Variants in RCAN2 observed in about 807,000 individuals in gnomAD.
RCAN2 encodes regulator of calcineurin 2, also known as calcipressin-2.
Under a neutral mutation model 23.6 loss-of-function variants are expected in RCAN2, and 9 were observed. The ratio of observed to expected loss-of-function variants is 0.38; its 90% CI spans 0.23 to 0.67. The LOEUF is 0.67. Ranked by LOEUF, RCAN2 falls within the 30% of genes least tolerant of loss-of-function variation. RCAN2 has a pLI of 0.51. For synonymous variants in RCAN2, 109 were observed against 115.7 expected (o/e 0.94, Z 0.37); for missense variants, 273 against 302.3 (o/e 0.90, Z 0.72).
intron 1 of RCAN2, among the ~76,000 whole-genome samples, chr6:46,481,910 T>C (rs1261022626): frequency 3.9e-5 from 6 of 152,150 alleles, no homozygotes; most frequent in Non-Finnish European, 7.4e-5. Flanking sequence ...GAAAGAGGTA[T>C]AGGAATGGTG....
At chr6:46,292,060 C>T (rs1187884114) in intron 2 of RCAN2, among the ~76,000 whole-genome samples, 3 of 152,190 alleles carry the variant, frequency 2.0e-5, no homozygotes, top group Non-Finnish European at 2.9e-5. Context: ...GCAGATACCC[C>T]TTGAAATTGC....
intron 2 of RCAN2, among the ~76,000 whole-genome samples, chr6:46,250,861 T>A (rs1374595291): frequency 1.3e-5 from 2 of 152,166 alleles, no homozygotes; most frequent in African/African-American, 4.8e-5. Context: ...TCTTCCTGCC[T>A]CTTGGGCATC....
Position 46,271,964 on chromosome 6 carries a change from C to A in RCAN2, c.226-23068G>T, listed in dbSNP as rs543944275. Among the ~76,000 whole-genome samples, 113 of 152,266 alleles carry A rather than the reference C, an allele frequency of 7.4e-4. 1 individual carries two copies. Among genetic ancestry groups the A allele is most frequent in the African/African-American group, 2.3e-3 (95 of 41,544 alleles). ...GAGACTCTGTGCTGTAGTAATTGGG[C>A]CAAGGTAAAGCCAGCCTTTAACACT... On this transcript the variant is annotated intron_variant, in intron 2 of 4. Coordinates refer to ENST00000371374, the MANE Select transcript of RCAN2 (RefSeq NM_001251974.2).
intron 1 of RCAN2, among the ~76,000 whole-genome samples, chr6:46,481,449 G>A (rs1013197976): frequency 7.9e-5 from 12 of 152,236 alleles, no homozygotes; most frequent in Admixed American, 7.2e-4. Flanking sequence ...AAGAAATAGA[G>A]ATGGGAGAAA....
At chr6:46,296,000 C>G (rs2150348160) in intron 2 of RCAN2, among the ~76,000 whole-genome samples, 2 of 150,774 alleles carry the variant, frequency 1.3e-5, no homozygotes, top group East Asian at 3.9e-4. Context: ...ATTATAAGGG[C>G]ACCTTTTATG....
chr6:46,332,311 T>G (rs146768328), intron 2 of RCAN2, among the ~76,000 whole-genome samples: 2 of 152,292 alleles, frequency 1.3e-5, no homozygotes, highest in African/African-American at 4.8e-5. Flanking sequence ...TTTTTTAATC[T>G]GATTTTTTTT....
intron 2 of RCAN2, among the ~76,000 whole-genome samples, chr6:46,408,743 C>T (rs1193464238): frequency 6.6e-6 from 1 of 152,022 alleles, no homozygotes; most frequent in Non-Finnish European, 1.5e-5. Context: ...TTAAAAAAAA[C>T]TGGTTAGAGG....
At chr6:46,418,633 A>C (rs1351542029) in intron 2 of RCAN2, among the ~76,000 whole-genome samples, 1 of 150,622 alleles carries the variant, frequency 6.6e-6, no homozygotes, top group Non-Finnish European at 1.5e-5. Context: ...GGAGTGGCTT[A>C]AATTTCCAGG....
intron 2 of RCAN2, among the ~76,000 whole-genome samples, chr6:46,431,184 A>T (rs1767190794): frequency 6.6e-6 from 1 of 151,568 alleles, no homozygotes; most frequent in South Asian, 2.1e-4. Context: ...TTAATATATC[A>T]TGGAAGATTT....
rs1442228 is a variant in RCAN2, at chr6:46,279,774, G to A, written c.226-30878C>T. On this transcript the variant is annotated intron_variant, in intron 2 of 4. Coordinates refer to ENST00000371374, the MANE Select transcript of RCAN2 (RefSeq NM_001251974.2). ...CTCAAGTAATTCTGCCCTTGTAACT[G>A]TCAGTCTTGTCATCTGCAAAATAGG... Among the ~76,000 whole-genome samples, 25 of 152,266 alleles carry A rather than the reference G, an allele frequency of 1.6e-4. No homozygotes were observed. In the East Asian group the frequency reaches 4.8e-3, roughly 29 times the overall value.
rs573617698 is a variant in RCAN2 at position 46,472,107 on chromosome 6, T to C, written c.-2-15129A>G. ...TCTTGCTTGTATTCCAACCTGGAAT[T>C]CTGAGTATTTTTCCCACAACAACGT... On this transcript the variant is annotated intron_variant, in intron 1 of 4. Coordinates refer to ENST00000371374, the MANE Select transcript of RCAN2 (RefSeq NM_001251974.2). 1.4e-3 allele frequency among the ~76,000 whole-genome samples: 215 copies of C among 152,308 alleles called. 1 individual carries two copies. The highest frequency in any genetic ancestry group is 5.1e-3 in the African/African-American group (212 of 41,558).
intron 2 of RCAN2, among the ~76,000 whole-genome samples, chr6:46,314,275 T>C (rs1448193985): frequency 4.1e-5 from 6 of 147,986 alleles, no homozygotes; most frequent in Non-Finnish European, 8.9e-5. Flanking sequence ...GGCATGAGAA[T>C]TGCTTGAACC....
At chr6:46,412,991 T>C (rs1045644724) in intron 2 of RCAN2, among the ~76,000 whole-genome samples, 1 of 152,224 alleles carries the variant, frequency 6.6e-6, no homozygotes, top group Non-Finnish European at 1.5e-5. Context: ...TGTGTTCTTA[T>C]GTTTACTCTT....
intron 4 of RCAN2, among the ~76,000 whole-genome samples, chr6:46,225,141 C>T (rs1351069747): frequency 6.6e-6 from 1 of 152,182 alleles, no homozygotes; most frequent in Admixed American, 6.5e-5. Context: ...CATAGTATTC[C>T]ATGGTGCATA....
intron 2 of RCAN2, among the ~76,000 whole-genome samples, chr6:46,309,408 T>C (rs1335450869): frequency 6.6e-6 from 1 of 152,188 alleles, no homozygotes; most frequent in African/African-American, 2.4e-5. Flanking sequence ...GAGACATGGT[T>C]GTTTAATAAG....
chr6:46,382,843 C>T (rs568014598), intron 2 of RCAN2, among the ~76,000 whole-genome samples: 1 of 152,250 alleles, frequency 6.6e-6, no homozygotes, highest in African/African-American at 2.4e-5. Context: ...AAACATGTAG[C>T]CTGGGAAAAA....
In RCAN2 at chr6:46,491,303, G is replaced by A. The variant is rs1769141443; in HGVS notation, c.-133C>T. ...GCCGGTGCGAGCGCGTGGGGGCGGC[G>A]CGGTGCCCGCGGGCCTTTGCGTGGG... is the stretch of plus-strand genomic sequence containing the variant. On this transcript the variant is annotated 5_prime_UTR_variant, in exon 1 of 5. Transcript: ENST00000371374. 5 of 151,100 alleles carry A rather than the reference G, an allele frequency of 3.3e-5. No homozygotes were observed. The South Asian group carries it at 1.0e-3, about 31-fold the overall frequency. 9.4% of individuals were successfully genotyped at this position (151,100 alleles called of 1,614,324 possible).
At position 46,386,832 on chromosome 6, in the gene RCAN2, C is replaced by G. The variant is rs571495877; in HGVS notation, c.225+69920G>C. Among the ~76,000 whole-genome samples, 3 of 152,242 alleles carry G rather than the reference C, an allele frequency of 2.0e-5. No homozygotes were observed. In the South Asian group the frequency reaches 6.2e-4, roughly 32 times the overall value. On this transcript the variant is annotated intron_variant, in intron 2 of 4. Coordinates refer to ENST00000371374, the MANE Select transcript of RCAN2 (RefSeq NM_001251974.2). ...CAAAAGAACAAACCTGGAGGCATCACGCTACCTGACTTCAAACTATACTAC... is the reference window on the plus strand; with the variant it reads ...CAAAAGAACAAACCTGGAGGCATCAGGCTACCTGACTTCAAACTATACTAC...
chr6:46,481,971 T>A (rs995574136), intron 1 of RCAN2, among the ~76,000 whole-genome samples: 2 of 148,758 alleles, frequency 1.3e-5, no homozygotes, highest in Non-Finnish European at 3.0e-5. Flanking sequence ...AATATCTCAA[T>A]AGGAAAAAAT....
Sources: gnomAD v4.1 joint callset for allele counts (sites outside exome capture counted in the v4.1 genomes callset) on GRCh38, gnomAD v4.1.1 for gene constraint, MANE v1.5 for transcripts, NCBI Gene and HGNC (gene_info 2026-07-23, HGNC 2026-07-21) for gene names.